Variants in PTPRM observed in about 807,000 individuals in gnomAD.
PTPRM encodes the protein protein tyrosine phosphatase receptor type M, also known as receptor-type tyrosine-protein phosphatase mu.
Under a neutral mutation model 186.7 loss-of-function variants are expected in PTPRM, and 47 were observed. The ratio of observed to expected loss-of-function variants is 0.25; its 90% CI spans 0.20 to 0.32. PTPRM has a LOEUF of 0.32. Ranked by LOEUF, PTPRM falls within the 10% of genes least tolerant of loss-of-function variation. The probability of loss-of-function intolerance (pLI) is 1.00; values close to 1 mark genes in which losing one functional copy is unlikely to be tolerated. For synonymous variants in PTPRM, 668 were observed against 674.9 expected (o/e 0.99, Z 0.16); for missense variants, 1,494 against 1,865.0 (o/e 0.80, Z 3.66).
intron 11 of PTPRM, among the ~76,000 whole-genome samples, chr18:8,112,303 G>A (rs76380245): frequency 0.024 from 3,661 of 152,320 alleles, 68 homozygotes; most frequent in East Asian, 0.068. Context: ...AAGTGGTTGT[G>A]CCCACAGAGA....
chr18:7,820,295 A>G (rs1461568398), intron 2 of PTPRM, among the ~76,000 whole-genome samples: 2 of 152,058 alleles, frequency 1.3e-5, no homozygotes, highest in East Asian at 3.9e-4. Flanking sequence ...CTGGCCGGGG[A>G]TTGGTGAGGG....
intron 7 of PTPRM, among the ~76,000 whole-genome samples, chr18:7,956,993 G>A (rs2053355837): frequency 6.6e-6 from 1 of 152,178 alleles, no homozygotes; most frequent in African/African-American, 2.4e-5. Context: ...TCTGTAAGAA[G>A]TAAGTTTAGT....
chr18:7,609,033 T>C (rs2037606785), intron 1 of PTPRM, among the ~76,000 whole-genome samples: 1 of 152,212 alleles, frequency 6.6e-6, no homozygotes, highest in South Asian at 2.1e-4. Flanking sequence ...TAGGATGCCC[T>C]TCATAATTCC....
chr18:8,125,043 A>G (rs1324215352), intron 13 of PTPRM, among the ~76,000 whole-genome samples: 1 of 151,780 alleles, frequency 6.6e-6, no homozygotes, highest in East Asian at 1.9e-4. Context: ...ACCAATGAAA[A>G]CAAGAACCTT....
chr18:8,218,025 C>T (rs1287001878), intron 14 of PTPRM, among the ~76,000 whole-genome samples: 6 of 152,088 alleles, frequency 3.9e-5, no homozygotes, highest in African/African-American at 9.7e-5. Context: ...AGCCCGTTCC[C>T]ACATAGAGAG....
chr18:8,225,456 C>G (rs9947075), intron 14 of PTPRM, among the ~76,000 whole-genome samples: 6,096 of 152,110 alleles, frequency 0.04, 379 homozygotes, highest in African/African-American at 0.14. Flanking sequence ...GTTCTTAGCT[C>G]ATCTTCTGTA....
chr18:7,842,910 ATG>A lies in PTPRM; in HGVS notation c.197-45176_197-45175del, dbSNP rs1285423674. ...GTGTATATATATATATGTTTCTCAT[ATG>A]TGTGTGTGTGTGTGTGTGTATATAT... On this transcript the variant is annotated intron_variant, in intron 2 of 32. Coordinates refer to ENST00000580170, the MANE Select transcript of PTPRM (RefSeq NM_001105244.2). Among the ~76,000 whole-genome samples the A allele has an allele frequency of 1.4e-3, 149 of 106,996 alleles. 2 individuals carry two copies. The highest frequency in any genetic ancestry group is 5.0e-3 in the African/African-American group (107 of 21,432). The allele number at this position is 106,996 out of a possible 152,430, so 70.2% of individuals were successfully genotyped here. A position where few individuals can be genotyped will look rare whatever the true frequency, so the allele number is the denominator to read the frequency against.
intron 1 of PTPRM, among the ~76,000 whole-genome samples, chr18:7,715,551 G>A (rs1301035224): frequency 6.6e-6 from 1 of 152,102 alleles, no homozygotes; most frequent in South Asian, 2.1e-4. Context: ...CAAATAGGAA[G>A]AGAAGAAGTC....
At chr18:8,299,309 C>A (rs1327173072) in intron 20 of PTPRM, among the ~76,000 whole-genome samples, 1 of 152,048 alleles carries the variant, frequency 6.6e-6, no homozygotes, top group Non-Finnish European at 1.5e-5. Flanking sequence ...TTTCTTTTTG[C>A]CAGACTCTGT....
intron 1 of PTPRM, among the ~76,000 whole-genome samples, chr18:7,624,531 G>T (rs2038013937): frequency 6.6e-6 from 1 of 151,998 alleles, no homozygotes; most frequent in Non-Finnish European, 1.5e-5. Flanking sequence ...TGTTGTCCAG[G>T]CTGGAGTGCA....
At chr18:8,289,412 A>G (rs2094996906) in intron 19 of PTPRM, among the ~76,000 whole-genome samples, 2 of 138,208 alleles carry the variant, frequency 1.4e-5, no homozygotes, top group Non-Finnish European at 3.1e-5. Flanking sequence ...ATATATATAT[A>G]CACATATATA....
chr18:7,925,116 AC>A, intron 4 of PTPRM, among the ~76,000 whole-genome samples: 1 of 152,156 alleles, frequency 6.6e-6, no homozygotes, highest in Non-Finnish European at 1.5e-5. Context: ...TGGGTCTTTG[AC>A]TTTTTCAGGA....
intron 1 of PTPRM, among the ~76,000 whole-genome samples, chr18:7,761,451 C>T (rs1320133920): frequency 6.6e-6 from 1 of 152,126 alleles, no homozygotes; most frequent in Non-Finnish European, 1.5e-5. Flanking sequence ...CACATAAAGT[C>T]CGTGTGCTTT....
intron 14 of PTPRM, among the ~76,000 whole-genome samples, chr18:8,218,992 C>T (rs1440600128): frequency 6.6e-6 from 1 of 152,158 alleles, no homozygotes; most frequent in Admixed American, 6.5e-5. Context: ...TGATGGAGCT[C>T]TCTGCATCAT....
chr18:7,743,336 C>T (rs1286189984), intron 1 of PTPRM, among the ~76,000 whole-genome samples: 1 of 152,212 alleles, frequency 6.6e-6, no homozygotes, highest in African/African-American at 2.4e-5. Context: ...ATGTTACATA[C>T]ATGAAAGTTA....
intron 7 of PTPRM, among the ~76,000 whole-genome samples, chr18:7,968,201 A>T (rs2147268675): frequency 9.5e-6 from 1 of 104,750 alleles, no homozygotes; most frequent in East Asian, 2.2e-4. Context: ...ATATCCAGCC[A>T]AACTAAGCTT....
intron 15 of PTPRM, among the ~76,000 whole-genome samples, chr18:8,246,824 C>T (rs2094481293): frequency 6.6e-6 from 1 of 152,176 alleles, no homozygotes; most frequent in Non-Finnish European, 1.5e-5. Context: ...GGTAAATGCA[C>T]TCTCCTAAAC....
intron 14 of PTPRM, among the ~76,000 whole-genome samples, chr18:8,144,211 C>T (rs1232561911): frequency 6.6e-6 from 1 of 152,150 alleles, no homozygotes; most frequent in Non-Finnish European, 1.5e-5. Flanking sequence ...TATGTAGGCA[C>T]CGTGCTAGGG....
intron 14 of PTPRM, among the ~76,000 whole-genome samples, chr18:8,169,391 C>CT (rs1287437806): frequency 6.6e-6 from 1 of 151,116 alleles, no homozygotes; most frequent in Non-Finnish European, 1.5e-5. Flanking sequence ...AAACCTTTTG[C>CT]TTTTTGTGGC....
Sources: allele counts gnomAD v4.1 joint callset (sites outside exome capture counted in the v4.1 genomes callset), GRCh38; gene constraint gnomAD v4.1.1; transcripts MANE v1.5; gene names NCBI Gene and HGNC (gene_info 2026-07-23, HGNC 2026-07-21).